The following PCM1 variants were observed in gnomAD, a reference collection of about 807,000 sequenced individuals.
PCM1 encodes the protein pericentriolar material 1 protein.
PCM1 carries 157 observed loss-of-function variants against 241.9 expected under a neutral mutation model. That is an observed-to-expected ratio of 0.65 (90% CI 0.57 to 0.74). The LOEUF (loss-of-function observed/expected upper bound fraction) is 0.74. PCM1 is among the 30% of genes least tolerant of loss of function. PCM1 has a pLI of 0.00. For synonymous variants in PCM1, 1,085 were observed against 784.9 expected, an observed-to-expected ratio of 1.38 and a Z score of -6.39; for missense variants, 3,478 against 2,360.1, an observed-to-expected ratio of 1.47 and a Z score of -9.81.
At position 18,022,836 on chromosome 8, in the gene PCM1, T is replaced by C. The variant is rs921898655; in HGVS notation, c.5842-2525T>C. 2.0e-5 allele frequency among the ~76,000 whole-genome samples: 3 copies of C among 152,198 alleles called. No individual in the cohort carries two copies. In the South Asian group the frequency reaches 6.2e-4, roughly 31 times the overall value. On this transcript the variant is annotated intron_variant, in intron 36 of 38. Transcript: ENST00000325083. ...AGTAGAGAACGGACTGAAACTGACATTGGTTCAAAGGAAACTCTAGAGGCA... is the reference window on the plus strand; with the variant it reads ...AGTAGAGAACGGACTGAAACTGACACTGGTTCAAAGGAAACTCTAGAGGCA...
At chr8:17,980,513 G>C in intron 23 of PCM1, 78 bp from the exon 24 acceptor site, 1 of 1,212,584 alleles carries the variant, frequency 8.2e-7, no homozygotes, top group Non-Finnish European at 1.2e-6. Context: ...TACCTGTACT[G>C]TTACACAATG....
chr8:18,001,922 G>A lies in PCM1; in HGVS notation c.4828-4341G>A, dbSNP rs142868008. Among the ~76,000 whole-genome samples, 800 of 144,712 alleles carry A rather than the reference G, an allele frequency of 5.5e-3. 7 individuals are homozygous for A. Among genetic ancestry groups the A allele is most frequent in the African/African-American group, 0.019 (745 of 39,972 alleles). The allele number at this position is 144,712 out of a possible 152,430, so 94.9% of individuals were successfully genotyped here. On this transcript the variant is annotated intron_variant, in intron 29 of 38. Coordinates refer to ENST00000325083, the MANE Select transcript of PCM1 (RefSeq NM_006197.4). ...TTATTCCATGTAAAAACAGAAACACGTAGCCTTGTTCTGGGCAATTGCAAC... is the reference window on the plus strand; with the variant it reads ...TTATTCCATGTAAAAACAGAAACACATAGCCTTGTTCTGGGCAATTGCAAC...
intron 36 of PCM1, among the ~76,000 whole-genome samples, chr8:18,018,668 G>C (rs1170453665): frequency 6.6e-6 from 1 of 151,558 alleles, no homozygotes; most frequent in Non-Finnish European, 1.5e-5. Context: ...AAAATTAGCT[G>C]GGAGTGCTGA....
chr8:17,946,806 C>T (rs1323265331), intron 6 of PCM1, among the ~76,000 whole-genome samples: 4 of 148,344 alleles, frequency 2.7e-5, no homozygotes, highest in Non-Finnish European at 4.5e-5. Flanking sequence ...TAATGTGCTC[C>T]TTTTCTGTAG....
chr8:18,004,188 T>C (rs566121461), intron 29 of PCM1, among the ~76,000 whole-genome samples: 4 of 152,202 alleles, frequency 2.6e-5, no homozygotes, highest in Non-Finnish European at 4.4e-5. Flanking sequence ...GAAACTGTTA[T>C]ACAATAAAAT....
intron 26 of PCM1, among the ~76,000 whole-genome samples, chr8:17,986,985 TTC>T (rs1338714055): frequency 6.6e-6 from 1 of 151,824 alleles, no homozygotes; most frequent in East Asian, 1.9e-4. Context: ...ATACAGTAAT[TTC>T]TGAGTTTTTC....
rs550654788 is a variant in PCM1, at chr8:17,966,037, A to G, written c.2894A>G (p.Tyr965Cys). Reference protein sequence around the residue: ...NNCPFSADENYRPLAKTRQQN... With the variant: ...NNCPFSADENCRPLAKTRQQN... ...TGCCCTTTTTCGGCAGATGAAAATT[A>G]TCGTCCTTTAGCCAAGACAAGGCAA... Residue 965 changes from tyrosine (Y) to cysteine (C), a missense_variant, in exon 19 of 39, where the codon TAT (tyrosine) becomes TGT (cysteine). Coordinates refer to ENST00000325083, the MANE Select transcript of PCM1 (RefSeq NM_006197.4). 1.9e-6 allele frequency: 3 copies of G among 1,612,450 alleles called. No individual in the cohort carries two copies. The highest frequency in any genetic ancestry group is 3.3e-5 in the Admixed American group (2 of 59,780).
At chr8:17,956,014 C>G (rs2068236795) in intron 10 of PCM1, 1 of 237,360 alleles carries the variant, frequency 4.2e-6, no homozygotes, top group African/African-American at 2.3e-5. Context: ...AATAACTTAG[C>G]CTTACTAAGC....
At chr8:17,989,606 G>A (rs745314417) in intron 26 of PCM1, among the ~76,000 whole-genome samples, 5 of 151,914 alleles carry the variant, frequency 3.3e-5, no homozygotes, top group Non-Finnish European at 5.9e-5. Context: ...TTAATCAGTA[G>A]CTGTCTTTGT....
At chr8:18,000,596 G>C (rs541972818) in intron 29 of PCM1, among the ~76,000 whole-genome samples, 2 of 151,130 alleles carry the variant, frequency 1.3e-5, no homozygotes, top group African/African-American at 2.4e-5. Context: ...TTGGGAGAAG[G>C]GGGAGATGAA....
At chr8:17,966,948 G>A in intron 20 of PCM1, 32 bp from the exon 21 acceptor site, 5 of 1,552,638 alleles carry the variant, frequency 3.2e-6, no homozygotes, top group Non-Finnish European at 3.5e-6. Context: ...CAATATAACT[G>A]ATTCTTAGAT....
At chr8:17,939,320 A>C (rs2061353038) in intron 5 of PCM1, among the ~76,000 whole-genome samples, 1 of 152,166 alleles carries the variant, frequency 6.6e-6, no homozygotes, top group Non-Finnish European at 1.5e-5. Flanking sequence ...GAATTTTTTA[A>C]AATGGCAAAT....
chr8:17,936,672 C>T (rs1439302510), intron 3 of PCM1, among the ~76,000 whole-genome samples: 2 of 152,032 alleles, frequency 1.3e-5, no homozygotes, highest in Non-Finnish European at 2.9e-5. Context: ...AAATAAATAG[C>T]CTAGGGTCAC....
At chr8:18,022,116 G>T (rs1382750151) in intron 36 of PCM1, among the ~76,000 whole-genome samples, 1 of 152,064 alleles carries the variant, frequency 6.6e-6, no homozygotes, top group Non-Finnish European at 1.5e-5. Flanking sequence ...AAACTTCAGG[G>T]TTTTCAGCCT....
intron 32 of PCM1, 45 bp from the exon 33 acceptor site, chr8:18,011,192 A>G (rs2092448098): frequency 1.4e-6 from 2 of 1,431,096 alleles, no homozygotes; most frequent in Non-Finnish European, 1.9e-6. Flanking sequence ...TACCTTTTAC[A>G]CATGTACTTT....
chr8:17,984,322 C>G (rs1002022506), intron 24 of PCM1, among the ~76,000 whole-genome samples: 3 of 151,788 alleles, frequency 2.0e-5, no homozygotes, highest in Admixed American at 6.6e-5. Context: ...CTGGATTTTT[C>G]CCATTAGAAG....
chr8:18,022,061 T>G (rs538022651), intron 36 of PCM1, among the ~76,000 whole-genome samples: 162 of 152,260 alleles, frequency 1.1e-3, no homozygotes, highest in African/African-American at 3.9e-3. Flanking sequence ...TGAGCCTCAT[T>G]GGAAAGGACT....
intron 2 of PCM1, among the ~76,000 whole-genome samples, chr8:17,932,375 A>G (rs1000354539): frequency 6.6e-6 from 1 of 152,158 alleles, no homozygotes; most frequent in East Asian, 1.9e-4. Flanking sequence ...CAGAAATGTT[A>G]TACTGGTTTA....
At position 17,947,166 on chromosome 8, in the gene PCM1, T is replaced by C; in HGVS notation, c.784-20T>C. On this transcript the variant is annotated intron_variant, in intron 6 of 38. Coordinates refer to ENST00000325083, the MANE Select transcript of PCM1 (RefSeq NM_006197.4). ...GGATTTTAATAGTCAGATACAAGTA[T>C]TGTTGGTCTTATTTTCCAGGCCAGA... 6.6e-7 allele frequency: 1 copy of C among 1,518,270 alleles called. No individual in the cohort carries two copies. The highest frequency in any genetic ancestry group is 9.0e-7 in the Non-Finnish European group (1 of 1,113,844). 94.0% of individuals were successfully genotyped at this position (1,518,270 alleles called of 1,614,324 possible).
Sources: allele counts gnomAD v4.1 joint callset (sites outside exome capture counted in the v4.1 genomes callset), GRCh38; gene constraint gnomAD v4.1.1; transcripts MANE v1.5; gene names NCBI Gene and HGNC (gene_info 2026-07-23, HGNC 2026-07-21).